The following FBXL2 variants were observed in gnomAD, a reference collection of about 807,000 sequenced individuals.
FBXL2 encodes the protein F-box and leucine rich repeat protein 2.
A neutral mutation model predicts 69.2 loss-of-function variants in FBXL2; 38 were observed. The observed-to-expected ratio is 0.55, with a 90% CI of 0.42 to 0.72. The LOEUF is 0.72. Among genes scored for constraint, FBXL2 ranks in the 30% least tolerant of loss-of-function variants. The probability of loss-of-function intolerance (pLI) is 0.00; values close to 1 mark genes in which losing one functional copy is unlikely to be tolerated. For synonymous variants in FBXL2, 192 were observed against 201.3 expected, an observed-to-expected ratio of 0.95 and a Z score of 0.39; for missense variants, 354 against 520.3, an observed-to-expected ratio of 0.68 and a Z score of 3.11.
downstream of FBXL2, among the ~76,000 whole-genome samples, chr3:33,406,897 T>A (rs1372467781): frequency 6.6e-6 from 1 of 152,192 alleles, no homozygotes; most frequent in Non-Finnish European, 1.5e-5. Context: ...TTGTACGGCA[T>A]CTCCTGGTAA....
intron 1 of FBXL2, chr3:33,289,798 G>C: frequency 1.0e-6 from 1 of 985,402 alleles, no homozygotes; most frequent in Non-Finnish European, 1.2e-6. Flanking sequence ...CTGCTGAGGT[G>C]GGTGGATTCT....
chr3:33,406,289 C>A (rs1366045242), downstream of FBXL2, among the ~76,000 whole-genome samples: 1 of 152,116 alleles, frequency 6.6e-6, no homozygotes, highest in Admixed American at 6.5e-5. Context: ...GTTTTTCTTT[C>A]CACCTTACAA....
At chr3:33,298,784 G>C (rs2035986987) in intron 2 of FBXL2, among the ~76,000 whole-genome samples, 1 of 150,426 alleles carries the variant, frequency 6.6e-6, no homozygotes, top group Admixed American at 6.6e-5. Context: ...GTGTACACAT[G>C]GTAATCCTTG....
At chr3:33,292,477 C>T (rs76848668) in intron 1 of FBXL2, among the ~76,000 whole-genome samples, 2,849 of 151,946 alleles carry the variant, frequency 0.019, 84 homozygotes, top group African/African-American at 0.065. Context: ...GAGGCAAAAC[C>T]ACAATCATAG....
chr3:33,332,181 C>T (rs1328573534), intron 2 of FBXL2, among the ~76,000 whole-genome samples: 2 of 151,838 alleles, frequency 1.3e-5, no homozygotes, highest in Non-Finnish European at 2.9e-5. Context: ...ATAAGATTAC[C>T]CAAAAGGGTC....
chr3:33,419,176 A>G, the FBXL2 span, among the ~76,000 whole-genome samples: 5 of 152,262 alleles, frequency 3.3e-5, no homozygotes, highest in African/African-American at 1.2e-4. Flanking sequence ...CCTCAAAGAC[A>G]GCCAGGAGCT....
intron 2 of FBXL2, among the ~76,000 whole-genome samples, chr3:33,334,950 T>A: frequency 6.6e-6 from 1 of 151,756 alleles, no homozygotes; most frequent in Non-Finnish European, 1.5e-5. Flanking sequence ...AAAAAAAATA[T>A]GTATGTCGGG....
At chr3:33,308,341 A>G (rs2036898327) in intron 2 of FBXL2, among the ~76,000 whole-genome samples, 1 of 152,202 alleles carries the variant, frequency 6.6e-6, no homozygotes, top group African/African-American at 2.4e-5. Flanking sequence ...AGAGATATTC[A>G]TGATTATTGG....
chr3:33,383,794 T>C lies in FBXL2; in HGVS notation c.952-195T>C, dbSNP rs925587504. ...TCTGTTTTGTGCTGCTACTACAGAC[T>C]GGATAATTTGTAATGAACAGAAACT... is the stretch of plus-strand genomic sequence containing the variant. On this transcript the variant is annotated intron_variant, in intron 13 of 14. Coordinates refer to ENST00000484457, the MANE Select transcript of FBXL2 (RefSeq NM_012157.5). The C allele has an allele frequency of 1.4e-4, 79 of 579,364 alleles. 1 individual carries two copies. Among genetic ancestry groups the C allele is most frequent in the Non-Finnish European group, 5.5e-5 (18 of 325,210 alleles). The allele number at this position is 579,364 out of a possible 1,614,324, so 35.9% of individuals were successfully genotyped here. A position where few individuals can be genotyped will look rare whatever the true frequency, so the allele number is the denominator to read the frequency against.
chr3:33,299,748 T>G (rs969532564), intron 2 of FBXL2, among the ~76,000 whole-genome samples: 14 of 152,208 alleles, frequency 9.2e-5, no homozygotes, highest in African/African-American at 2.9e-4. Context: ...ATGAAAAATA[T>G]CAATTATATT....
intron 1 of FBXL2, among the ~76,000 whole-genome samples, chr3:33,291,521 A>T (rs2125699613): frequency 6.6e-6 from 1 of 152,304 alleles, no homozygotes; most frequent in Non-Finnish European, 1.5e-5. Flanking sequence ...AAAAATATGG[A>T]CTATTTAAAG....
At chr3:33,411,955 G>A in the FBXL2 span, among the ~76,000 whole-genome samples, 1 of 152,074 alleles carries the variant, frequency 6.6e-6, no homozygotes, top group African/African-American at 2.4e-5. Context: ...GGGAGGCCAA[G>A]GCAGGTGGAT....
At chr3:33,283,136 G>A (rs1473779271) in intron 1 of FBXL2, among the ~76,000 whole-genome samples, 3 of 152,168 alleles carry the variant, frequency 2.0e-5, no homozygotes, top group Non-Finnish European at 4.4e-5. Flanking sequence ...AGTTTTCAAA[G>A]GGAATGCTTC....
intron 1 of FBXL2, among the ~76,000 whole-genome samples, chr3:33,293,176 T>G (rs548000711): frequency 1.3e-5 from 2 of 152,308 alleles, no homozygotes; most frequent in South Asian, 4.1e-4. Flanking sequence ...TTTATAATAG[T>G]AATTGGAGAC....
intron 2 of FBXL2, among the ~76,000 whole-genome samples, chr3:33,315,073 A>G (rs2037554534): frequency 6.6e-6 from 1 of 152,288 alleles, no homozygotes; most frequent in Non-Finnish European, 1.5e-5. Flanking sequence ...TGTCACACAG[A>G]AATTAAAAAG....
chr3:33,349,807 A>C (rs1487592434), intron 2 of FBXL2, among the ~76,000 whole-genome samples: 1 of 152,200 alleles, frequency 6.6e-6, no homozygotes, highest in Non-Finnish European at 1.5e-5. Context: ...GATGGAAAGG[A>C]CTAATTCCTT....
chr3:33,402,300 T>A (rs1017470506), intron 12 of FBXL2, among the ~76,000 whole-genome samples: 3 of 151,906 alleles, frequency 2.0e-5, no homozygotes, highest in Admixed American at 6.6e-5. Flanking sequence ...GAATAAAGAG[T>A]CCACCATTTC....
Position 33,364,706 on chromosome 3 carries a change from G to A in FBXL2, c.277G>A (p.Asp93Asn), listed in dbSNP as rs2041841858. ...CTTGCGAGGCTGCATTGGTGTTGGG[G>A]ATTCCTCCTTGAAGTAAGTCAAATC... ...LSLRGCIGVG[D>N]SSLKTFAQNC... Residue 93 changes from aspartate to asparagine, a missense_variant, in exon 5 of 15, where the codon GAT becomes AAT. Transcript: ENST00000484457. The A allele has an allele frequency of 6.2e-7, 1 of 1,614,036 alleles. No homozygotes were observed. The highest frequency in any genetic ancestry group is 8.5e-7 in the Non-Finnish European group (1 of 1,179,886).
the FBXL2 span, chr3:33,416,778 T>G: frequency 1.9e-6 from 3 of 1,613,338 alleles, no homozygotes; most frequent in East Asian, 2.2e-5. Context: ...TTTCCATTGA[T>G]CTCAGGCATA....
Sources: allele counts gnomAD v4.1 joint callset (sites outside exome capture counted in the v4.1 genomes callset), GRCh38; gene constraint gnomAD v4.1.1; transcripts MANE v1.5; gene names NCBI Gene and HGNC (gene_info 2026-07-23, HGNC 2026-07-21).